The following SPOCK3 variants were observed in gnomAD, a reference collection of about 807,000 sequenced individuals.
The protein encoded by SPOCK3 is SPARC (osteonectin), cwcv and kazal like domains proteoglycan 3.
Under a neutral mutation model 56.6 loss-of-function variants are expected in SPOCK3, and 30 were observed. The ratio of observed to expected loss-of-function variants is 0.53; its 90% confidence interval spans 0.40 to 0.72. The LOEUF (loss-of-function observed/expected upper bound fraction) is 0.72. Among genes scored for constraint, SPOCK3 ranks in the 30% least tolerant of loss-of-function variants. The pLI is 0.00. For missense variants in SPOCK3, 527 were observed against 530.0 expected, an observed-to-expected ratio of 0.99 and a Z score of 0.06; for synonymous variants, 196 against 183.3, an observed-to-expected ratio of 1.07 and a Z score of -0.56.
chr4:166,806,498 A>C (rs1410055930), intron 6 of SPOCK3, among the ~76,000 whole-genome samples: 2 of 152,102 alleles, frequency 1.3e-5, no homozygotes, highest in Non-Finnish European at 2.9e-5. Flanking sequence ...TTATGGCAAC[A>C]TATAATATAG....
intron 7 of SPOCK3, among the ~76,000 whole-genome samples, chr4:166,772,857 C>T (rs1208566215): frequency 6.6e-6 from 1 of 152,120 alleles, no homozygotes; most frequent in Non-Finnish European, 1.5e-5. Context: ...GTGGTGTAAT[C>T]ATGGCTCATT....
intron 2 of SPOCK3, among the ~76,000 whole-genome samples, chr4:167,201,880 T>A (rs1475714572): frequency 1.3e-5 from 2 of 152,032 alleles, no homozygotes; most frequent in African/African-American, 4.8e-5. Context: ...ACTGATGGTA[T>A]GATTTATGTA....
At chr4:166,807,702 C>G (rs11735453) in intron 6 of SPOCK3, among the ~76,000 whole-genome samples, 53,463 of 151,854 alleles carry the variant, frequency 0.35, 10,915 homozygotes, top group East Asian at 0.73. Flanking sequence ...AAAAAAGAAA[C>G]CAAAATTTAA....
chr4:167,111,047 A>C (rs972486402), intron 2 of SPOCK3, among the ~76,000 whole-genome samples: 1 of 152,032 alleles, frequency 6.6e-6, no homozygotes, highest in Admixed American at 6.6e-5. Flanking sequence ...AAAAAGAAAT[A>C]TAATTTAATA....
chr4:166,765,179 T>C (rs1368030303), intron 7 of SPOCK3, among the ~76,000 whole-genome samples: 1 of 151,282 alleles, frequency 6.6e-6, no homozygotes, highest in African/African-American at 2.4e-5. Context: ...GCTGTGAAGC[T>C]CTTTAGTTTA....
intron 2 of SPOCK3, among the ~76,000 whole-genome samples, chr4:167,214,672 C>A (rs544715312): frequency 6.6e-6 from 1 of 152,194 alleles, no homozygotes; most frequent in South Asian, 2.1e-4. Flanking sequence ...ATTTTACACA[C>A]AGAGAATGAA....
intron 5 of SPOCK3, among the ~76,000 whole-genome samples, chr4:166,908,153 G>T (rs1370540994): frequency 6.6e-6 from 1 of 151,564 alleles, no homozygotes. Context: ...CCTCAAATAT[G>T]GAAAAAATAA....
rs1445546412 is a variant in SPOCK3, at chr4:167,116,351, AAAGC to A, written c.190-53818_190-53815del. On this transcript the variant is annotated intron_variant, in intron 2 of 10. Coordinates refer to ENST00000357545, the MANE Select transcript of SPOCK3 (RefSeq NM_001040159.2). ...TGCTTCCTCTTTGAAATGAAAAATGAAAGCAAGTCAAATAAATTACAAAAGTTAT... is the reference window on the plus strand; with the variant it reads ...TGCTTCCTCTTTGAAATGAAAAATGAAAGTCAAATAAATTACAAAAGTTAT... 6.0e-5 allele frequency among the ~76,000 whole-genome samples: 9 copies of A among 150,414 alleles called. No individual in the cohort carries two copies. The East Asian group carries it at 1.4e-3, about 23-fold the overall frequency.
intron 6 of SPOCK3, among the ~76,000 whole-genome samples, chr4:166,829,182 A>G (rs1260098077): frequency 3.3e-5 from 5 of 152,078 alleles, no homozygotes; most frequent in African/African-American, 1.2e-4. Context: ...GATATAGATT[A>G]TAAAGTATAC....
chr4:167,040,577 A>G (rs1753155529), intron 3 of SPOCK3, among the ~76,000 whole-genome samples: 1 of 152,234 alleles, frequency 6.6e-6, no homozygotes, highest in Non-Finnish European at 1.5e-5. Context: ...AAATACCTTT[A>G]ATGAAATACG....
rs79363050 is a variant in SPOCK3, at chr4:167,229,834, G to A, written c.189+4151C>T. 9.2e-3 allele frequency among the ~76,000 whole-genome samples: 1,395 copies of A among 152,050 alleles called. 15 individuals carry two copies. Among genetic ancestry groups the A allele is most frequent in the Non-Finnish European group, 0.013 (869 of 67,928 alleles). On this transcript the variant is annotated intron_variant, in intron 2 of 10. Transcript: ENST00000357545. Reference sequence around the variant, plus strand: ...TATTATTACGTTAAATATACCCAAAGGATATTAAACATCACTTAAGGAATA... The same window carrying A: ...TATTATTACGTTAAATATACCCAAAAGATATTAAACATCACTTAAGGAATA...
At chr4:166,972,550 C>T (rs2150076538) in intron 4 of SPOCK3, among the ~76,000 whole-genome samples, 1 of 151,102 alleles carries the variant, frequency 6.6e-6, no homozygotes, top group South Asian at 2.1e-4. Context: ...ACATCGATAG[C>T]TCTTAAGATT....
intron 5 of SPOCK3, among the ~76,000 whole-genome samples, chr4:166,899,666 G>A (rs573421168): frequency 7.2e-5 from 11 of 151,914 alleles, no homozygotes; most frequent in African/African-American, 1.4e-4. Context: ...ACAGGCACAC[G>A]CCACCATGCC....
At chr4:167,015,498 A>G (rs991844661) in intron 3 of SPOCK3, among the ~76,000 whole-genome samples, 2 of 152,212 alleles carry the variant, frequency 1.3e-5, no homozygotes, top group African/African-American at 4.8e-5. Flanking sequence ...TTCTTTCAGA[A>G]GATTGATGTT....
chr4:167,021,180 T>C (rs1001998595), intron 3 of SPOCK3, among the ~76,000 whole-genome samples: 7 of 152,018 alleles, frequency 4.6e-5, no homozygotes, highest in Non-Finnish European at 1.0e-4. Flanking sequence ...AAATCAAATG[T>C]TTCTTCCAAA....
intron 2 of SPOCK3, among the ~76,000 whole-genome samples, chr4:167,190,805 G>A (rs534632020): frequency 6.9e-6 from 1 of 145,568 alleles, no homozygotes; most frequent in Admixed American, 7.0e-5. Flanking sequence ...TATAAGATAA[G>A]GGTCCAATTT....
At chr4:166,737,734 C>G in intron 9 of SPOCK3, 130 bp from the exon 10 acceptor site, 1 of 928,694 alleles carries the variant, frequency 1.1e-6, no homozygotes, top group Non-Finnish European at 1.5e-6. Context: ...CCACTGTATT[C>G]CAGGATAGAT....
At chr4:166,748,014 T>C (rs1361578687) in intron 8 of SPOCK3, among the ~76,000 whole-genome samples, 1 of 152,200 alleles carries the variant, frequency 6.6e-6, no homozygotes, top group Non-Finnish European at 1.5e-5. Context: ...GTACATTCCA[T>C]GCTCATGGAT....
chr4:167,080,419 C>T (rs1202437774), intron 2 of SPOCK3, among the ~76,000 whole-genome samples: 1 of 152,004 alleles, frequency 6.6e-6, no homozygotes, highest in African/African-American at 2.4e-5. Flanking sequence ...TCAGTCATTC[C>T]TAACAAGAAA....
Sources: gnomAD v4.1 joint callset for allele counts (sites outside exome capture counted in the v4.1 genomes callset) on GRCh38, gnomAD v4.1.1 for gene constraint, MANE v1.5 for transcripts, NCBI Gene and HGNC (gene_info 2026-07-23, HGNC 2026-07-21) for gene names.